Variants in PLXND1 observed in about 807,000 individuals in gnomAD.
The protein encoded by PLXND1 is plexin-D1.
In PLXND1, 54 loss-of-function variants were observed where a neutral mutation model predicts 197.7. The ratio of observed to expected loss-of-function variants is 0.27; its 90% CI spans 0.22 to 0.34. The LOEUF is 0.34. Ranked by LOEUF, PLXND1 falls within the 10% of genes least tolerant of loss-of-function variation. The pLI is 1.00. For synonymous variants in PLXND1, 1,180 were observed against 1,161.2 expected, an observed-to-expected ratio of 1.02 and a Z score of -0.33; for missense variants, 2,127 against 2,699.2, an observed-to-expected ratio of 0.79 and a Z score of 4.70.
rs868706513 is a variant in PLXND1 at position 129,561,693 on chromosome 3, G to A, written c.4946C>T (p.Ser1649Phe). The change falls in exon 29 of 36, where the codon TCC (serine) becomes TTC (phenylalanine). Residue 1649 changes from serine to phenylalanine, a missense_variant. Physicochemically the swap from Ser to Phe is radical, Grantham distance 155. Coordinates refer to ENST00000324093, the MANE Select transcript of PLXND1 (RefSeq NM_015103.3). ...LAHYKIPEGA[S>F]LAMSLIDKKD... ...CTTGTCTATGAGACTCATGGCCAGG[G>A]AGGCACCTTCAGGGATCTGATGGGA... The A allele has an allele frequency of 6.2e-7, 1 of 1,608,046 alleles. No individual in the cohort carries two copies. The highest frequency in any genetic ancestry group is 8.5e-7 in the Non-Finnish European group (1 of 1,177,386).
At chr3:129,574,666 C>G (rs1347659441) in intron 11 of PLXND1, among the ~76,000 whole-genome samples, 176 bp from the exon 12 acceptor site, 2 of 152,228 alleles carry the variant, frequency 1.3e-5, no homozygotes, top group Non-Finnish European at 2.9e-5. Flanking sequence ...AGCCCCTTCC[C>G]CAAACCCCTG....
At chr3:129,602,649 T>C (rs112210217) in intron 1 of PLXND1, among the ~76,000 whole-genome samples, 30 of 152,244 alleles carry the variant, frequency 2.0e-4, no homozygotes, top group African/African-American at 7.0e-4. Flanking sequence ...CATCTGGGGC[T>C]AGAAGTAGGA....
intron 20 of PLXND1, 118 bp downstream of exon 20, chr3:129,569,725 C>A (rs750949843): frequency 1.0e-5 from 7 of 666,960 alleles, no homozygotes; most frequent in Non-Finnish European, 1.9e-5. Context: ...CATGGCCAAG[C>A]CTTTGTTCAA....
intron 20 of PLXND1, 98 bp from the exon 21 acceptor site, chr3:129,567,903 C>A (rs2085166329): frequency 8.9e-6 from 6 of 677,046 alleles, no homozygotes; most frequent in Non-Finnish European, 1.5e-5. Flanking sequence ...CTCCTCTGGG[C>A]AGGGTGTGGG....
chr3:129,604,152 C>T (rs1431980323), intron 1 of PLXND1, among the ~76,000 whole-genome samples: 1 of 152,180 alleles, frequency 6.6e-6, no homozygotes, highest in East Asian at 1.9e-4. Flanking sequence ...CCCAACCCAG[C>T]CTCAGACACC....
At chr3:129,571,380 G>A (rs770980555) in intron 17 of PLXND1, 77 bp from the exon 18 acceptor site, 455 of 1,557,372 alleles carry the variant, frequency 2.9e-4, no homozygotes, top group Non-Finnish European at 3.8e-4. Context: ...GGGGAGTGGG[G>A]TTTGAGGAGA....
chr3:129,586,843 G>T, intron 2 of PLXND1, 124 bp from the exon 3 acceptor site: 1 of 1,167,684 alleles, frequency 8.6e-7, no homozygotes, highest in Non-Finnish European at 1.2e-6. Context: ...TTCAGGAGGG[G>T]TGGGAAGTCA....
In PLXND1 at chr3:129,606,490, C is replaced by G. The variant is rs1352513765; in HGVS notation, c.150G>C (p.Gln50His). 1 of 1,422,168 alleles carries G rather than the reference C, an allele frequency of 7.0e-7. No homozygotes were observed. The highest frequency in any genetic ancestry group is 2.8e-5 in the East Asian group (1 of 35,790). The allele number at this position is 1,422,168 out of a possible 1,614,324, so 88.1% of individuals were successfully genotyped here. A position where few individuals can be genotyped will look rare whatever the true frequency, so the allele number is the denominator to read the frequency against. Residue 50 changes from glutamine to histidine, a missense_variant, in exon 1 of 36, where the codon CAG becomes CAC. By Grantham distance (24) the Gln-to-His change is conservative (BLOSUM62 0). Coordinates refer to ENST00000324093, the MANE Select transcript of PLXND1 (RefSeq NM_015103.3). ...TGGGCGTGGGCGAGGGGAACCGACG[C>G]TGGATCTCCAGGGCGCCGGCCCGCG... ...GAARAGALEIQRRFPSPTPTN... is the reference protein window; with the variant it reads ...GAARAGALEIHRRFPSPTPTN...
chr3:129,572,304 C>T (rs149867983), intron 15 of PLXND1, among the ~76,000 whole-genome samples: 1 of 152,328 alleles, frequency 6.6e-6, no homozygotes, highest in Non-Finnish European at 1.5e-5. Flanking sequence ...ACACCCCTGC[C>T]ACTCACCACA....
intron 1 of PLXND1, among the ~76,000 whole-genome samples, chr3:129,592,998 CCT>C (rs1560080354): frequency 6.6e-6 from 1 of 152,192 alleles, no homozygotes; most frequent in East Asian, 1.9e-4. Context: ...CAAAATACCC[CCT>C]GACCCCAGCA....
Position 129,605,503 on chromosome 3 carries a change from G to T in PLXND1, c.1137C>A (p.Pro379=), listed in dbSNP as rs1011486984. The change falls in exon 1 of 36, where the codon CCC becomes CCA. Residue 379 remains proline, a synonymous_variant. Transcript: ENST00000324093. ...GTGCGGCCGGAGCAGCGCGGGCCGC[G>T]GGGGACCCCTGGGGCCGCTCGAAGA... The part of the protein sequence containing the change: ...FAVFERPQGS[P]AARAAPAALC... The T allele has an allele frequency of 1.8e-5, 27 of 1,495,936 alleles. No homozygotes were observed. The highest frequency in any genetic ancestry group is 2.4e-5 in the Non-Finnish European group (27 of 1,131,398). The allele number at this position is 1,495,936 out of a possible 1,614,324, so 92.7% of individuals were successfully genotyped here. A position where few individuals can be genotyped will look rare whatever the true frequency, so the allele number is the denominator to read the frequency against.
At chr3:129,592,681 GC>G (rs1274856179) in intron 1 of PLXND1, among the ~76,000 whole-genome samples, 3 of 152,042 alleles carry the variant, frequency 2.0e-5, no homozygotes, top group Non-Finnish European at 4.4e-5. Context: ...TTTCTAAAAG[GC>G]CTTTCCCCCA....
chr3:129,570,663 T>C, intron 19 of PLXND1, 123 bp downstream of exon 19: 1 of 933,624 alleles, frequency 1.1e-6, no homozygotes, highest in Non-Finnish European at 1.7e-6. Flanking sequence ...TCTGCTTTGC[T>C]GGACTGAGCT....
intron 11 of PLXND1, 32 bp from the exon 12 acceptor site, chr3:129,574,522 C>A: frequency 6.2e-7 from 1 of 1,601,686 alleles, no homozygotes. Context: ...CGGTCAGCCC[C>A]GCTCTGCGGT....
intron 5 of PLXND1, among the ~76,000 whole-genome samples, chr3:129,585,456 A>C (rs1244486448): frequency 2.0e-5 from 3 of 152,206 alleles, no homozygotes; most frequent in Non-Finnish European, 4.4e-5. Flanking sequence ...AGCCCCCTGC[A>C]TTGCAGGTTT....
chr3:129,562,438 A>T lies in PLXND1; in HGVS notation c.4825+349T>A, dbSNP rs188580308. ...AATGAGGGGATCACTTGAGCCCAGG[A>T]GGTCGAGGCTGCAGTGAGCTGAGAT... is the stretch of plus-strand genomic sequence containing the variant. On this transcript the variant is annotated intron_variant, in intron 27 of 35. Coordinates refer to ENST00000324093, the MANE Select transcript of PLXND1 (RefSeq NM_015103.3). 2.3e-3 allele frequency: 573 copies of T among 244,684 alleles called. 5 individuals are homozygous for T. Among genetic ancestry groups the T allele is most frequent in the South Asian group, 3.3e-3 (43 of 12,906 alleles). 15.2% of individuals were successfully genotyped at this position (244,684 alleles called of 1,614,324 possible).
chr3:129,599,383 G>A (rs1241667392), intron 1 of PLXND1, among the ~76,000 whole-genome samples: 2 of 152,244 alleles, frequency 1.3e-5, no homozygotes, highest in African/African-American at 4.8e-5. Flanking sequence ...CCACAGCTAG[G>A]AAGGGGCAGA....
In PLXND1 at chr3:129,571,753, C is replaced by T. The variant is rs145714408; in HGVS notation, c.3169G>A (p.Val1057Met). 4.6e-5 allele frequency: 74 copies of T among 1,613,252 alleles called. No homozygotes were observed. Among genetic ancestry groups the T allele is most frequent in the South Asian group, 5.5e-5 (5 of 91,084 alleles). Residue 1057 changes from valine to methionine, a missense_variant, in exon 16 of 36, where the codon GTG becomes ATG. By Grantham distance (21) the Val-to-Met change is conservative (BLOSUM62 1). Around this residue, in one of 6 missense-constraint regions of PLXND1, gnomAD observed 1,095 missense variants for 1,259.8 expected, o/e 0.87. Coordinates refer to ENST00000324093, the MANE Select transcript of PLXND1 (RefSeq NM_015103.3). The stretch of plus-strand genomic sequence containing the variant: ...TACCAGAAGGTGAGGTTGCCGTGCA[C>T]GCAGCCCCGACGCTCGAAGCGCACA... ...VCVRFERRGCVHGNLTFWYMQ... is the reference protein window; with the variant it reads ...VCVRFERRGCMHGNLTFWYMQ...
In PLXND1 at chr3:129,605,708, T is replaced by C; in HGVS notation, c.932A>G (p.Glu311Gly). ...LNSEARAGDK[E>G]SQARSLLARI... ...CGCCAGCAGGCTCCGCGCCTGGCTC[T>C]CCTTGTCGCCCGCGCGCGCCTCGCT... The change falls in exon 1 of 36, where the codon GAG (glutamate) becomes GGG (glycine). Residue 311 changes from glutamate (E) to glycine (G), a missense_variant. By Grantham distance (98) the Glu-to-Gly change is moderately conservative. Around this residue, in one of 6 missense-constraint regions of PLXND1, gnomAD observed 1,095 missense variants for 1,259.8 expected, o/e 0.87. Transcript: ENST00000324093. 6.5e-7 allele frequency: 1 copy of C among 1,540,456 alleles called. No individual in the cohort carries two copies.
Sources: gnomAD v4.1 joint callset for allele counts (sites outside exome capture counted in the v4.1 genomes callset) on GRCh38, gnomAD v4.1.1 for gene constraint, gnomAD v4.1.1 regional missense constraint, MANE v1.5 for transcripts, NCBI Gene and HGNC (gene_info 2026-07-23, HGNC 2026-07-21) for gene names.